SLC44A5: variants seen among roughly 807,000 people sequenced by gnomAD.
SLC44A5 encodes choline transporter-like protein 5.
SLC44A5 carries 57 observed loss-of-function variants against 101.8 expected under a neutral mutation model. The ratio of observed to expected loss-of-function variants is 0.56; its 90% CI spans 0.45 to 0.70. The LOEUF (loss-of-function observed/expected upper bound fraction) is 0.70. Among genes scored for constraint, SLC44A5 ranks in the 30% least tolerant of loss-of-function variants. The pLI is 0.00. For synonymous variants in SLC44A5, 281 were observed against 290.9 expected (o/e 0.97, Z 0.35); for missense variants, 737 against 853.1 (o/e 0.86, Z 1.70).
chr1:75,557,399 A>G (rs777546102), intron 1 of SLC44A5, among the ~76,000 whole-genome samples: 4 of 152,114 alleles, frequency 2.6e-5, no homozygotes, highest in Admixed American at 6.6e-5. Context: ...GAAAGGAAGG[A>G]GTGAATACAC....
At chr1:75,343,020 T>C (rs1410552333) in intron 3 of SLC44A5, among the ~76,000 whole-genome samples, 1 of 152,086 alleles carries the variant, frequency 6.6e-6, no homozygotes, top group African/African-American at 2.4e-5. Context: ...AGTGCTTTTA[T>C]AGGGGCCCTC....
At chr1:75,606,671 C>A (rs1434353818) in intron 1 of SLC44A5, among the ~76,000 whole-genome samples, 2 of 152,022 alleles carry the variant, frequency 1.3e-5, no homozygotes, top group Admixed American at 6.6e-5. Flanking sequence ...GCCACCACTT[C>A]ACCTGGGCTG....
At chr1:75,620,718 T>A in the SLC44A5 span, among the ~76,000 whole-genome samples, 6 of 152,206 alleles carry the variant, frequency 3.9e-5, no homozygotes, top group Non-Finnish European at 8.8e-5. Flanking sequence ...TCTTTGTAGA[T>A]TCTGGATATT....
At chr1:75,219,160 G>C (rs1570386067) in intron 16 of SLC44A5, 97 bp downstream of exon 16, 2 of 858,542 alleles carry the variant, frequency 2.3e-6, no homozygotes, top group Non-Finnish European at 3.9e-6. Context: ...CAGTGTATAG[G>C]ATCTCTGCTT....
chr1:75,364,244 A>G (rs978392577), intron 3 of SLC44A5, among the ~76,000 whole-genome samples: 1 of 152,128 alleles, frequency 6.6e-6, no homozygotes, highest in Non-Finnish European at 1.5e-5. Flanking sequence ...TATAAAGAAA[A>G]GAATTTACCA....
intron 6 of SLC44A5, among the ~76,000 whole-genome samples, chr1:75,267,352 T>A (rs1651082445): frequency 6.6e-6 from 1 of 152,174 alleles, no homozygotes; most frequent in African/African-American, 2.4e-5. Flanking sequence ...TAAAGGGGCT[T>A]TAATTATGAA....
chr1:75,673,756 G>A, the SLC44A5 span, among the ~76,000 whole-genome samples: 1 of 152,094 alleles, frequency 6.6e-6, no homozygotes, highest in African/African-American at 2.4e-5. Context: ...TAAGAGAGGA[G>A]AACAAGAGTC....
At chr1:75,487,063 T>C (rs992223740) in intron 2 of SLC44A5, among the ~76,000 whole-genome samples, 2 of 152,202 alleles carry the variant, frequency 1.3e-5, no homozygotes, top group Admixed American at 6.5e-5. Flanking sequence ...TAGGATTAGG[T>C]TCTGGTCTTG....
intron 5 of SLC44A5, among the ~76,000 whole-genome samples, chr1:75,283,270 G>T (rs549636514): frequency 3.8e-4 from 58 of 151,964 alleles, no homozygotes; most frequent in African/African-American, 1.3e-3. Flanking sequence ...ATTCTTTCAT[G>T]TGTTTGTTGG....
chr1:75,652,811 CA>C, the SLC44A5 span, among the ~76,000 whole-genome samples: 1 of 151,906 alleles, frequency 6.6e-6, no homozygotes, highest in Non-Finnish European at 1.5e-5. Context: ...AGAACAAAAA[CA>C]AAAAAACAGT....
At chr1:75,657,642 T>C in the SLC44A5 span, among the ~76,000 whole-genome samples, 581 of 149,878 alleles carry the variant, frequency 3.9e-3, 13 homozygotes, top group Admixed American at 0.036. Flanking sequence ...TCAGATAAAA[T>C]AGATTTCAAG....
intron 2 of SLC44A5, among the ~76,000 whole-genome samples, chr1:75,534,616 AC>A (rs1407288074): frequency 3.3e-5 from 5 of 152,264 alleles, no homozygotes; most frequent in Non-Finnish European, 7.3e-5. Context: ...CTGGAAATAG[AC>A]AAAACAGATT....
chr1:75,401,949 G>C (rs1178684052), intron 2 of SLC44A5, among the ~76,000 whole-genome samples: 1 of 152,184 alleles, frequency 6.6e-6, no homozygotes, highest in Admixed American at 6.5e-5. Flanking sequence ...AGTGGAGTTA[G>C]AGACGGCCCA....
chr1:75,295,003 T>G (rs188916423), intron 5 of SLC44A5, among the ~76,000 whole-genome samples: 1 of 152,296 alleles, frequency 6.6e-6, no homozygotes, highest in Non-Finnish European at 1.5e-5. Flanking sequence ...TGAAATTTGC[T>G]AAGAGAATAT....
At chr1:75,669,176 T>C in the SLC44A5 span, among the ~76,000 whole-genome samples, 1 of 151,596 alleles carries the variant, frequency 6.6e-6, no homozygotes, top group Non-Finnish European at 1.5e-5. Context: ...TTTTCTTGAG[T>C]TGTTACATAG....
chr1:75,570,034 G>T (rs766100114), intron 1 of SLC44A5, among the ~76,000 whole-genome samples: 1 of 152,196 alleles, frequency 6.6e-6, no homozygotes, highest in South Asian at 2.1e-4. Flanking sequence ...TATCCCAACA[G>T]AAGGAAAAAG....
intron 3 of SLC44A5, among the ~76,000 whole-genome samples, chr1:75,366,454 CT>C (rs771434538): frequency 1.1e-4 from 16 of 152,224 alleles, no homozygotes; most frequent in Non-Finnish European, 2.2e-4. Flanking sequence ...CACAGTACTC[CT>C]TTTGTCTGAC....
chr1:75,361,920 G>A lies in SLC44A5; in HGVS notation c.53-22290C>T, dbSNP rs576399769. On this transcript the variant is annotated intron_variant, in intron 3 of 23. Coordinates refer to ENST00000370859, the MANE Select transcript of SLC44A5 (RefSeq NM_001130058.2). Reference sequence around the variant, plus strand: ...TTTTGAAACAGTTTGTGAAGAATCAGTATTAGTTTTTCTTATTTTATCCCT... The same window carrying A: ...TTTTGAAACAGTTTGTGAAGAATCAATATTAGTTTTTCTTATTTTATCCCT... 1.1e-4 allele frequency among the ~76,000 whole-genome samples: 16 copies of A among 151,938 alleles called. No homozygotes were observed. In the South Asian group the frequency reaches 2.5e-3, roughly 24 times the overall value.
At chr1:75,386,338 G>A (rs1320428523) in intron 3 of SLC44A5, among the ~76,000 whole-genome samples, 1 of 152,138 alleles carries the variant, frequency 6.6e-6, no homozygotes, top group African/African-American at 2.4e-5. Flanking sequence ...ATCTCCTTAA[G>A]CTGATAAGCA....
Sources: allele counts gnomAD v4.1 joint callset (sites outside exome capture counted in the v4.1 genomes callset), GRCh38; gene constraint gnomAD v4.1.1; transcripts MANE v1.5; gene names NCBI Gene and HGNC (gene_info 2026-07-23, HGNC 2026-07-21).